The following SOCS2 variants were observed in gnomAD, a reference collection of about 807,000 sequenced individuals.
SOCS2 encodes CIS-2.
Under a neutral mutation model 18.6 loss-of-function variants are expected in SOCS2, and 10 were observed. The ratio of observed to expected loss-of-function variants is 0.54; its 90% CI spans 0.33 to 0.91. The LOEUF (loss-of-function observed/expected upper bound fraction) is 0.91, where lower values mean the gene tolerates loss of function less well. Ranked by LOEUF, SOCS2 falls within the 40% of genes least tolerant of loss-of-function variation. SOCS2 has a pLI of 0.02. For synonymous variants in SOCS2, 104 were observed against 104.0 expected (o/e 1.00, Z 0.00); for missense variants, 231 against 247.2 (o/e 0.93, Z 0.44).
the SOCS2 span, among the ~76,000 whole-genome samples, chr12:93,592,917 C>CTT: frequency 8.9e-4 from 96 of 107,328 alleles, no homozygotes; most frequent in African/African-American, 1.1e-3. Context: ...ACTGAGAAAG[C>CTT]TTTTTTTTTT....
the SOCS2 span, among the ~76,000 whole-genome samples, chr12:93,615,487 A>G: frequency 6.6e-6 from 1 of 152,352 alleles, no homozygotes; most frequent in African/African-American, 2.4e-5. Flanking sequence ...ACAGGCAGTT[A>G]TGTCACTACA....
upstream of SOCS2, chr12:93,571,332 G>A (rs1203269856): frequency 6.6e-6 from 1 of 152,262 alleles, no homozygotes; most frequent in Non-Finnish European, 1.5e-5. Context: ...TCCGCAGCTC[G>A]GAGCGCCGGG....
downstream of SOCS2, among the ~76,000 whole-genome samples, chr12:93,580,285 A>G (rs1200696882): frequency 6.6e-6 from 1 of 152,038 alleles, no homozygotes; most frequent in Non-Finnish European, 1.5e-5. Flanking sequence ...TTTCCTGTTT[A>G]GTGTTTGGTC....
At chr12:93,625,379 A>G in the SOCS2 span, among the ~76,000 whole-genome samples, 1 of 152,260 alleles carries the variant, frequency 6.6e-6, no homozygotes, top group Non-Finnish European at 1.5e-5. Flanking sequence ...ATAAAGGTAC[A>G]GTTACTTAGT....
the SOCS2 span, among the ~76,000 whole-genome samples, chr12:93,616,847 G>A: frequency 6.6e-6 from 1 of 152,208 alleles, no homozygotes; most frequent in Non-Finnish European, 1.5e-5. Context: ...AAGTACATGT[G>A]ACTAGAAGCT....
At position 93,575,017 on chromosome 12, in the gene SOCS2, C is replaced by T. The variant is rs369215445; in HGVS notation, c.435C>T (p.Asn145=). ...DKRTGPEAPR[N]GTVHLYLTKP... is the part of the protein sequence containing the mutation. ...GGACAGGTCCAGAAGCCCCCCGGAA[C>T]GGCACTGTTCACCTTTATCTGACCA... The change falls in exon 2 of 2, where the codon AAC becomes AAT. Residue 145 remains asparagine, a synonymous_variant. Transcript: ENST00000551556. 11 of 1,613,950 alleles carry T rather than the reference C, an allele frequency of 6.8e-6. No homozygotes were observed. Among genetic ancestry groups the T allele is most frequent in the Admixed American group, 3.3e-5 (2 of 59,994 alleles).
At chr12:93,615,471 G>T in the SOCS2 span, among the ~76,000 whole-genome samples, 1 of 152,176 alleles carries the variant, frequency 6.6e-6, no homozygotes, top group African/African-American at 2.4e-5. Context: ...CTCCCAATTG[G>T]CTTGTACAGG....
At chr12:93,593,852 A>G in the SOCS2 span, among the ~76,000 whole-genome samples, 8 of 152,262 alleles carry the variant, frequency 5.3e-5, no homozygotes, top group Admixed American at 3.9e-4. Context: ...TTTCCCATTT[A>G]AAGTCTGAAT....
At chr12:93,610,180 T>G in the SOCS2 span, among the ~76,000 whole-genome samples, 1 of 152,184 alleles carries the variant, frequency 6.6e-6, no homozygotes, top group South Asian at 2.1e-4. Context: ...TCCACACATA[T>G]GTTACAACAG....
At chr12:93,609,633 A>G in the SOCS2 span, among the ~76,000 whole-genome samples, 2 of 152,154 alleles carry the variant, frequency 1.3e-5, no homozygotes, top group African/African-American at 4.8e-5. Context: ...GATCAGAGAT[A>G]AAATAGAGAG....
At chr12:93,589,350 A>AT in the SOCS2 span, among the ~76,000 whole-genome samples, 93 of 151,428 alleles carry the variant, frequency 6.1e-4, no homozygotes, top group African/African-American at 1.0e-3. Context: ...CATTCTGGGA[A>AT]TTTTTTTTTT....
chr12:93,584,155 A>G (rs1252228465), downstream of SOCS2, among the ~76,000 whole-genome samples: 1 of 152,228 alleles, frequency 6.6e-6, no homozygotes, highest in Non-Finnish European at 1.5e-5. Context: ...AGACAGAACA[A>G]TAGAAAAGTA....
the SOCS2 span, among the ~76,000 whole-genome samples, chr12:93,619,048 G>A: frequency 5.3e-5 from 8 of 152,176 alleles, no homozygotes; most frequent in Admixed American, 2.6e-4. Context: ...ACGTGGGCAG[G>A]GTTAAGAGAA....
In SOCS2 at chr12:93,583,368, T is replaced by C. The variant is rs574464355; in HGVS notation, c.*322T>C. 5.9e-5 allele frequency: 9 copies of C among 152,320 alleles called. No homozygotes were observed. In the South Asian group the frequency reaches 6.2e-4, roughly 11 times the overall value. The allele number at this position is 152,320 out of a possible 1,614,324, so 9.4% of individuals were successfully genotyped here. On this transcript the variant is annotated 3_prime_UTR_variant, in exon 2 of 2. Transcript: ENST00000549510. ...TGATCCTCAATAGATAAGAGTGCCA[T>C]TGAGCTTTATTTTCATCTGTCAGGC...
At chr12:93,603,488 C>G in the SOCS2 span, among the ~76,000 whole-genome samples, 43,645 of 152,098 alleles carry the variant, frequency 0.29, 6,383 homozygotes, top group African/African-American at 0.36. Flanking sequence ...TCTTTCCCAC[C>G]TTTCCACATC....
intron 1 of SOCS2, chr12:93,574,126 A>G (rs1233355154): frequency 6.6e-6 from 1 of 151,656 alleles, no homozygotes; most frequent in Non-Finnish European, 1.5e-5. Flanking sequence ...AAGCTATTGT[A>G]CTAGAGCTGT....
chr12:93,599,528 TA>T, the SOCS2 span, among the ~76,000 whole-genome samples: 1 of 152,228 alleles, frequency 6.6e-6, no homozygotes, highest in Non-Finnish European at 1.5e-5. Context: ...CGTTGGATTT[TA>T]AGCATTGATA....
chr12:93,599,653 G>A, the SOCS2 span, among the ~76,000 whole-genome samples: 5 of 152,182 alleles, frequency 3.3e-5, no homozygotes. Flanking sequence ...TTTAATAGAT[G>A]ATTAGGTCAT....
At chr12:93,598,647 T>C in the SOCS2 span, among the ~76,000 whole-genome samples, 47 of 152,332 alleles carry the variant, frequency 3.1e-4, 1 homozygote, top group East Asian at 8.9e-3. Context: ...TGTTGATACT[T>C]TTAGATAAAG....
Sources: gnomAD v4.1 joint callset for allele counts (sites outside exome capture counted in the v4.1 genomes callset) on GRCh38, gnomAD v4.1.1 for gene constraint, MANE v1.5 for transcripts, NCBI Gene and HGNC (gene_info 2026-07-23, HGNC 2026-07-21) for gene names.